TTN: variants seen among roughly 807,000 people sequenced by gnomAD.
TTN encodes titin.
In TTN, 1,525 loss-of-function variants were observed where a neutral mutation model predicts 3,223.0. The ratio of observed to expected loss-of-function variants is 0.47; its 90% CI spans 0.45 to 0.49. The LOEUF (loss-of-function observed/expected upper bound fraction) is 0.49, where lower values mean the gene tolerates loss of function less well. TTN is among the 20% of genes least tolerant of loss of function. TTN has a pLI of 0.00. For missense variants in TTN, 40,786 were observed against 43,424.0 expected, an observed-to-expected ratio of 0.94 and a Z score of 5.40; for synonymous variants, 14,094 against 15,161.0, an observed-to-expected ratio of 0.93 and a Z score of 5.17.
rs560665119 is a variant in TTN at position 178,684,090 on chromosome 2, G to C, written c.32723-8C>G. On this transcript the variant is annotated splice_polypyrimidine_tract_variant and splice_region_variant and intron_variant, in intron 132 of 362. Transcript: ENST00000589042. Reference sequence around the variant, plus strand: ...TCTTCGGTTCCTCTGGCACTTTAAAGAGAGATTTCACTTTAAAGTATTGTT... The same window carrying C: ...TCTTCGGTTCCTCTGGCACTTTAAACAGAGATTTCACTTTAAAGTATTGTT... 6.2e-7 allele frequency: 1 copy of C among 1,611,516 alleles called. No homozygotes were observed. The highest frequency in any genetic ancestry group is 1.3e-5 in the African/African-American group (1 of 74,736).
Position 178,548,647 on chromosome 2 carries a change from T to G in TTN, c.92979A>C (p.Lys30993Asn), listed in dbSNP as rs754893239. The change falls in exon 339 of 363, where the codon AAA becomes AAC. Residue 30993 changes from lysine to asparagine, a missense_variant. Coordinates refer to ENST00000589042, the MANE Select transcript of TTN (RefSeq NM_001267550.2). The surrounding 1 kb of genome is among the most constrained non-coding windows in gnomAD (Gnocchi z 4.3). ...TGTTGTTTTCCACAGTAAGGGTATA[T>G]TTCCCTGCATCATTTCTGTTGCAGT... ...VENCNRNDAG[K>N]YTLTVENNSG... The G allele has an allele frequency of 1.2e-6, 2 of 1,613,894 alleles. No homozygotes were observed. The highest frequency in any genetic ancestry group is 1.7e-6 in the Non-Finnish European group (2 of 1,179,798).
rs770947302 is a variant in TTN, at chr2:178,715,620, C to T, written c.25794G>A (p.Met8598Ile). The T allele has an allele frequency of 1.2e-6, 2 of 1,613,602 alleles. No homozygotes were observed. The highest frequency in any genetic ancestry group is 2.2e-5 in the East Asian group (1 of 44,852). The change falls in exon 89 of 363, where the codon ATG (methionine) becomes ATA (isoleucine). Residue 8598 changes from methionine to isoleucine, a missense_variant. Transcript: ENST00000589042. The stretch of plus-strand genomic sequence containing the variant: ...GCACAGCCACCGAGTCAACGAATGA[C>T]ATTCTGAATTTACTGCTCTCTTGAA... ...TEIQESSKFR[M>I]SFVDSVAVLE... is the part of the protein sequence containing the mutation.
chr2:178,780,093 A>G lies in TTN; in HGVS notation c.3636T>C (p.Ser1212=). 6.2e-7 allele frequency: 1 copy of G among 1,613,822 alleles called. No homozygotes were observed. Among genetic ancestry groups the G allele is most frequent in the Non-Finnish European group, 8.5e-7 (1 of 1,179,872 alleles). Residue 1212 remains serine (S), a synonymous_variant, in exon 22 of 363, where the codon TCT becomes TCC. Transcript: ENST00000589042. ...CTTTTTCATACTCTTTTTCATACTC[A>G]GAGTATACAAATCCAGGTGCTGTTT... is the stretch of plus-strand genomic sequence containing the variant. ...VGETAPGFVY[S]EYEKEYEKEQ...
Position 178,624,582 on chromosome 2 carries a change from T to A in TTN, c.44698A>T (p.Ile14900Phe), listed in dbSNP as rs1458633272. 6.2e-7 allele frequency: 1 copy of A among 1,612,744 alleles called. No individual in the cohort carries two copies. The highest frequency in any genetic ancestry group is 1.7e-5 in the Admixed American group (1 of 59,896). ...TTTCTGACCCTGCCATCAGCAACAATTTCATACTTCTTGCTTTTGAGGATT... is the reference window on the plus strand; with the variant it reads ...TTTCTGACCCTGCCATCAGCAACAAATTCATACTTCTTGCTTTTGAGGATT... Reference protein sequence around the residue: ...TEILKSKKYEIVADGRVRKLV... With the variant: ...TEILKSKKYEFVADGRVRKLV... The change falls in exon 242 of 363, where the codon ATT becomes TTT. Residue 14900 changes from isoleucine (I) to phenylalanine (F), a missense_variant. Ile to Phe is a conservative substitution (Grantham distance 21). Coordinates refer to ENST00000589042, the MANE Select transcript of TTN (RefSeq NM_001267550.2).
At position 178,621,477 on chromosome 2, in the gene TTN, T is replaced by C. The variant is rs1413491989; in HGVS notation, c.45347A>G (p.His15116Arg). 5 of 1,612,226 alleles carry C rather than the reference T, an allele frequency of 3.1e-6. No homozygotes were observed. The South Asian group carries it at 4.4e-5, about 14-fold the overall frequency. ...ATTATTCACTGTAGTTTTCATACCA[T>C]GTACTTTGACTTTGCCATCGGTTCG... is the stretch of plus-strand genomic sequence containing the variant. ...SSRTDGKVKVHELAAEFISKP... is the reference protein window; with the variant it reads ...SSRTDGKVKVRELAAEFISKP... Residue 15116 changes from histidine (H) to arginine (R), a missense_variant and splice_region_variant, in exon 245 of 363, where the codon CAT (histidine) becomes CGT (arginine). His to Arg is a conservative substitution (Grantham distance 29). Transcript: ENST00000589042.
At chr2:178,745,409 TA>T in intron 47 of TTN, 1 of 1,435,978 alleles carries the variant, frequency 7.0e-7, no homozygotes. Flanking sequence ...ACAAAATATT[TA>T]CATGTATTAC....
In TTN at chr2:178,738,168, G is replaced by A. The variant is rs2081863914; in HGVS notation, c.14285C>T (p.Thr4762Ile). 6.2e-7 allele frequency: 1 copy of A among 1,613,766 alleles called. No homozygotes were observed. Among genetic ancestry groups the A allele is most frequent in the Non-Finnish European group, 8.5e-7 (1 of 1,179,778 alleles). ...ATACTCGCCGCAGTCAACCACCTGG[G>A]TTCTCAGGATTTCAAGGCTGGAGAT... ...KYISSLEILR[T>I]QVVDCGEYTC... is the part of the protein sequence containing the mutation. The change falls in exon 49 of 363, where the codon ACC becomes ATC. Residue 4762 changes from threonine to isoleucine, a missense_variant. Coordinates refer to ENST00000589042, the MANE Select transcript of TTN (RefSeq NM_001267550.2).
intron 141 of TTN, 84 bp downstream of exon 141, chr2:178,679,514 AC>A: frequency 6.3e-7 from 1 of 1,586,884 alleles, no homozygotes; most frequent in Non-Finnish European, 8.6e-7. Context: ...AGTGACACAC[AC>A]ACAAGGTTTT....
At chr2:178,583,256 T>C in intron 312 of TTN, 29 bp from the exon 313 acceptor site, 1 of 1,521,570 alleles carries the variant, frequency 6.6e-7, no homozygotes, top group South Asian at 1.4e-5. Flanking sequence ...AAGGACTTAA[T>C]GTATGCAAAG....
rs541842588 is a variant in TTN at position 178,765,324 on chromosome 2, T to C, written c.9704-513A>G. Among the ~76,000 whole-genome samples the C allele has an allele frequency of 3.9e-5, 6 of 152,346 alleles. No individual in the cohort carries two copies. The South Asian group carries it at 1.2e-3, about 32-fold the overall frequency. On this transcript the variant is annotated intron_variant, in intron 41 of 362. Coordinates refer to ENST00000589042, the MANE Select transcript of TTN (RefSeq NM_001267550.2). ...GAATGAATGACTGAATTAACACTAT[T>C]TCAGATCTAGTTAAATGCCATTAGG...
At position 178,608,801 on chromosome 2, in the gene TTN, A is replaced by T. The variant is rs754650111; in HGVS notation, c.52210T>A (p.Tyr17404Asn). The T allele has an allele frequency of 1.2e-6, 2 of 1,612,652 alleles. No homozygotes were observed. The highest frequency in any genetic ancestry group is 1.7e-6 in the Non-Finnish European group (2 of 1,179,240). The change falls in exon 274 of 363, where the codon TAC (tyrosine) becomes AAC (asparagine). Residue 17404 changes from tyrosine to asparagine, a missense_variant. Physicochemically the swap from Tyr to Asn is moderately radical, Grantham distance 143 (BLOSUM62 -2). Coordinates refer to ENST00000589042, the MANE Select transcript of TTN (RefSeq NM_001267550.2). ...GTCTTGTCTTTCTTTTCCAAAGTGT[A>T]GTTTATGATTTCACTGCCACCATCA... The part of the protein sequence containing the change: ...LDDGGSEIIN[Y>N]TLEKKDKTKP...
Position 178,733,331 on chromosome 2 carries a change from T to C in TTN, c.15962A>G (p.Tyr5321Cys). The C allele has an allele frequency of 6.2e-7, 1 of 1,613,864 alleles. No individual in the cohort carries two copies. Among genetic ancestry groups the C allele is most frequent in the South Asian group, 1.1e-5 (1 of 91,068 alleles). The stretch of plus-strand genomic sequence containing the variant: ...GCCACTGTCGTGCAGCTCAGCTGAA[T>C]AAAATTTGAGCTGGGCAACATTGTT... ...FKNNVAQLKF[Y>C]SAELHDSGQY... The change falls in exon 54 of 363, where the codon TAT becomes TGT. Residue 5321 changes from tyrosine (Y) to cysteine (C), a missense_variant. Transcript: ENST00000589042.
At position 178,634,857 on chromosome 2, in the gene TTN, A is replaced by C; in HGVS notation, c.42025-8T>G. Reference sequence around the variant, plus strand: ...TGCTTTGATTTCACAAGTCTGAAAAACAATAGTTTTAGTAACCATTTGAAA... The same window carrying C: ...TGCTTTGATTTCACAAGTCTGAAAACCAATAGTTTTAGTAACCATTTGAAA... On this transcript the variant is annotated splice_polypyrimidine_tract_variant and splice_region_variant and intron_variant, in intron 228 of 362. Coordinates refer to ENST00000589042, the MANE Select transcript of TTN (RefSeq NM_001267550.2). This position sits in a 1 kb window ranked among gnomAD's most constrained non-coding sequence, Gnocchi z 4.6. 1 of 1,603,942 alleles carries C rather than the reference A, an allele frequency of 6.2e-7. No individual in the cohort carries two copies. Among genetic ancestry groups the C allele is most frequent in the South Asian group, 1.1e-5 (1 of 88,540 alleles).
intron 90 of TTN, 37 bp downstream of exon 90, chr2:178,714,949 G>A: frequency 6.4e-7 from 1 of 1,572,652 alleles, no homozygotes; most frequent in South Asian, 1.2e-5. Flanking sequence ...CAATTAGAAG[G>A]GAAGTAGTGA....
At chr2:178,679,798 C>A in intron 140 of TTN, 96 bp downstream of exon 140, 1 of 1,552,496 alleles carries the variant, frequency 6.4e-7, no homozygotes, top group East Asian at 2.2e-5. Flanking sequence ...AGTAAGCAAT[C>A]ATTGGTGCTG....
intron 121 of TTN, among the ~76,000 whole-genome samples, chr2:178,690,813 A>G (rs894344017): frequency 2.0e-5 from 3 of 152,092 alleles, no homozygotes; most frequent in Non-Finnish European, 4.4e-5. Flanking sequence ...ACGTGCTATT[A>G]TACTATGTGT....
At chr2:178,746,290 T>G (rs2083526106) in intron 47 of TTN, 1 of 1,612,222 alleles carries the variant, frequency 6.2e-7, no homozygotes, top group African/African-American at 1.3e-5. Context: ...CTAAATCAAT[T>G]TTTAGTTCTT....
In TTN at chr2:178,614,192, G is replaced by A. The variant is rs772357820; in HGVS notation, c.49205C>T (p.Ser16402Leu). Residue 16402 changes from serine (S) to leucine (L), a missense_variant, in exon 262 of 363, where the codon TCA (serine) becomes TTA (leucine). Coordinates refer to ENST00000589042, the MANE Select transcript of TTN (RefSeq NM_001267550.2). The part of the protein sequence containing the change: ...ATDSEVWHKL[S>L]STVKDTNFKA... ...GAAGTTTGTATCCTTGACGGTGGAT[G>A]AGAGCTTGTGCCACACTTCACTATC... 2.2e-5 allele frequency: 36 copies of A among 1,612,378 alleles called. No homozygotes were observed. Among genetic ancestry groups the A allele is most frequent in the Non-Finnish European group, 2.9e-5 (34 of 1,179,198 alleles).
chr2:178,597,988 A>T lies in TTN; in HGVS notation c.57182T>A (p.Phe19061Tyr). 1 of 1,613,312 alleles carries T rather than the reference A, an allele frequency of 6.2e-7. No homozygotes were observed. The highest frequency in any genetic ancestry group is 8.5e-7 in the Non-Finnish European group (1 of 1,179,540). ...AGCAATGTTGACTGCTCTAACTCTAAATTTGTAGAATGCTCCTTCCTTTAA... is the reference window on the plus strand; with the variant it reads ...AGCAATGTTGACTGCTCTAACTCTATATTTGTAGAATGCTCCTTCCTTTAA... ...TGLKEGAFYK[F>Y]RVRAVNIAGI... The change falls in exon 293 of 363, where the codon TTT (phenylalanine) becomes TAT (tyrosine). Residue 19061 changes from phenylalanine (F) to tyrosine (Y), a missense_variant. Physicochemically the swap from Phe to Tyr is conservative, Grantham distance 22 (BLOSUM62 3). Transcript: ENST00000589042.
Sources: gnomAD v4.1 joint callset for allele counts (sites outside exome capture counted in the v4.1 genomes callset) on GRCh38, gnomAD v4.1.1 for gene constraint, Gnocchi (gnomAD v3.1) non-coding constraint, MANE v1.5 for transcripts, NCBI Gene and HGNC (gene_info 2026-07-23, HGNC 2026-07-21) for gene names.